UCP2: variants seen among roughly 807,000 people sequenced by gnomAD.
The protein encoded by UCP2 is uncoupling protein 2, also known as dicarboxylate carrier SLC25A8.
In UCP2, 27 loss-of-function variants were observed where a neutral mutation model predicts 31.3. The observed-to-expected ratio is 0.86, with a 90% confidence interval of 0.64 to 1.19. The LOEUF (loss-of-function observed/expected upper bound fraction) is 1.19, where lower values mean the gene tolerates loss of function less well. Ranked by LOEUF, UCP2 falls within the 50% of genes most tolerant of loss-of-function variation. The pLI, the probability that UCP2 is intolerant of heterozygous loss-of-function variation, is 0.00. For missense variants in UCP2, 377 were observed against 413.5 expected, an observed-to-expected ratio of 0.91 and a Z score of 0.76; for synonymous variants, 142 against 157.4, an observed-to-expected ratio of 0.90 and a Z score of 0.73.
chr11:73,979,268 T>G (rs1331560219), intron 2 of UCP2, among the ~76,000 whole-genome samples: 1 of 152,218 alleles, frequency 6.6e-6, no homozygotes, highest in Non-Finnish European at 1.5e-5. Flanking sequence ...CTTCTTGGGC[T>G]GGGTGTGGTG....
intron 2 of UCP2, chr11:73,980,530 T>C (rs1250292386): frequency 6.6e-6 from 1 of 152,260 alleles, no homozygotes; most frequent in African/African-American, 2.4e-5. Context: ...GATTCCCTGC[T>C]CTGACACCCC....
Position 73,980,799 on chromosome 11 carries a change from G to C in UCP2, c.-100+677C>G, listed in dbSNP as rs45574434. On this transcript the variant is annotated intron_variant, in intron 2 of 7. Transcript: ENST00000663595. ...AAAGTTCTCACAGGCTGATTAAACA[G>C]TACTGAGAAGGCTCAGGCAAATGGT... 133 of 152,378 alleles carry C rather than the reference G, an allele frequency of 8.7e-4. 2 individuals are homozygous for C. Among genetic ancestry groups the C allele is most frequent in the Admixed American group, 2.7e-3 (41 of 15,302 alleles). The allele number at this position is 152,378 out of a possible 1,614,324, so 9.4% of individuals were successfully genotyped here.
chr11:73,977,239 CA>C (rs1300754943), intron 4 of UCP2, among the ~76,000 whole-genome samples: 1 of 152,218 alleles, frequency 6.6e-6, no homozygotes, highest in Non-Finnish European at 1.5e-5. Flanking sequence ...GGGCTAAGAC[CA>C]AAATGAAACT....
chr11:73,979,843 A>G (rs1319286295), intron 2 of UCP2: 1 of 151,982 alleles, frequency 6.6e-6, no homozygotes, highest in Non-Finnish European at 1.5e-5. Context: ...AAACCCCAAA[A>G]AACCTAAGGA....
chr11:73,978,672 A>G (rs1436959259), intron 2 of UCP2, 195 bp from the exon 3 acceptor site: 5 of 415,998 alleles, frequency 1.2e-5, no homozygotes, highest in Non-Finnish European at 2.3e-5. Flanking sequence ...CAAGCAGTCA[A>G]TACTTCATGA....
At chr11:73,975,882 G>A (rs1378468212) in intron 6 of UCP2, among the ~76,000 whole-genome samples, 2 of 152,082 alleles carry the variant, frequency 1.3e-5, no homozygotes, top group Non-Finnish European at 2.9e-5. Flanking sequence ...TGGGTAACAT[G>A]GCAAAAACCC....
chr11:73,975,764 T>G, intron 6 of UCP2, 93 bp from the exon 7 acceptor site: 2 of 1,495,980 alleles, frequency 1.3e-6, no homozygotes, highest in Non-Finnish European at 1.8e-6. Context: ...TTTTCATGAT[T>G]TTAAAGAGAC....
chr11:73,978,885 G>A (rs1951405909), intron 2 of UCP2: 1 of 254,624 alleles, frequency 3.9e-6, no homozygotes, highest in African/African-American at 2.2e-5. Flanking sequence ...AACAGGCACA[G>A]ACCCATAGGC....
In UCP2 at chr11:73,978,398, G is replaced by A. The variant is rs752002790; in HGVS notation, c.-20C>T. 14 of 1,614,080 alleles carry A rather than the reference G, an allele frequency of 8.7e-6. No individual in the cohort carries two copies. Among genetic ancestry groups the A allele is most frequent in the African/African-American group, 1.3e-5 (1 of 75,026 alleles). ...AACCATGATGCTGATTTCCTGCTAC[G>A]TCCCAGGAGATGGAGAAAAACTGGA... On this transcript the variant is annotated 5_prime_UTR_variant, in exon 3 of 8. The change creates a new upstream start codon in the 5' untranslated region. Transcript: ENST00000663595.
Position 73,978,547 on chromosome 11 carries a change from C to T in UCP2, c.-99-70G>A, listed in dbSNP as rs1000671612. 3.2e-6 allele frequency: 3 copies of T among 950,812 alleles called. No individual in the cohort carries two copies. In the South Asian group the frequency reaches 4.5e-5, roughly 14 times the overall value. The allele number at this position is 950,812 out of a possible 1,614,324, so 58.9% of individuals were successfully genotyped here. ...GCCCTCCCTGCTCACCATCCCCAAACTCACCTTCCCTAATAGAACCAAGTC... is the reference window on the plus strand; with the variant it reads ...GCCCTCCCTGCTCACCATCCCCAAATTCACCTTCCCTAATAGAACCAAGTC... On this transcript the variant is annotated intron_variant, in intron 2 of 7. Coordinates refer to ENST00000663595, the MANE Select transcript of UCP2 (RefSeq NM_003355.3).
intron 7 of UCP2, 33 bp downstream of exon 7, chr11:73,975,458 G>T: frequency 6.3e-7 from 1 of 1,592,716 alleles, no homozygotes; most frequent in Non-Finnish European, 8.6e-7. Flanking sequence ...TAGCCAAGAG[G>T]CCTGAACTGG....
Position 73,976,932 on chromosome 11 carries a change from C to G in UCP2, c.423G>C (p.Lys141Asn), listed in dbSNP as rs755289416. 6.2e-7 allele frequency: 1 copy of G among 1,613,048 alleles called. No homozygotes were observed. The highest frequency in any genetic ancestry group is 1.1e-5 in the South Asian group (1 of 91,032). Residue 141 changes from lysine (K) to asparagine (N), a missense_variant, in exon 5 of 8, where the codon AAG (lysine) becomes AAC (asparagine). Physicochemically the swap from Lys to Asn is moderately conservative, Grantham distance 94 (BLOSUM62 0). Coordinates refer to ENST00000663595, the MANE Select transcript of UCP2 (RefSeq NM_003355.3). ...CCCGGGCCTGAGCTTGGAATCGGAC[C>G]TTTACCACATCCGTGGGCTGGGCCA... ...VAVAQPTDVV[K>N]VRFQAQARAG...
Position 73,978,423 on chromosome 11 carries a change from A to T in UCP2, c.-45T>A. On this transcript the variant is annotated 5_prime_UTR_variant, in exon 3 of 8. Transcript: ENST00000663595. ...GTCCCAGGAGATGGAGAAAAACTGG[A>T]GACAGGGGCACCTTTAATCAGCAAC... 2 of 1,613,304 alleles carry T rather than the reference A, an allele frequency of 1.2e-6. No individual in the cohort carries two copies. Among genetic ancestry groups the T allele is most frequent in the South Asian group, 2.2e-5 (2 of 90,950 alleles).
rs779124511 is a variant in UCP2, at chr11:73,978,306, A to G, written c.73T>C (p.Cys25Arg). 51 of 1,614,098 alleles carry G rather than the reference A, an allele frequency of 3.2e-5. No homozygotes were observed. Among genetic ancestry groups the G allele is most frequent in the Non-Finnish European group, 3.7e-5 (44 of 1,180,046 alleles). The change falls in exon 3 of 8, where the codon TGC becomes CGC. Residue 25 changes from cysteine (C) to arginine (R), a missense_variant. Cys to Arg is a radical substitution (Grantham distance 180, BLOSUM62 -3). Coordinates refer to ENST00000663595, the MANE Select transcript of UCP2 (RefSeq NM_003355.3). ...GGAAAGGTGATGAGATCTGCGATGC[A>G]GGCAGCTGTGCCAGCCCCAAGAAAC... ...VKFLGAGTAA[C>R]IADLITFPLD...
chr11:73,978,045 G>A lies in UCP2; in HGVS notation c.178C>T (p.Arg60Cys), dbSNP rs750036008. The A allele has an allele frequency of 3.7e-6, 6 of 1,614,054 alleles. No homozygotes were observed. Among genetic ancestry groups the A allele is most frequent in the African/African-American group, 2.7e-5 (2 of 74,928 alleles). The change falls in exon 4 of 8, where the codon CGC (arginine) becomes TGC (cysteine). Residue 60 changes from arginine to cysteine, a missense_variant. Physicochemically the swap from Arg to Cys is radical, Grantham distance 180. Transcript: ENST00000663595. ...GTCAGAATGGTGCCCATCACACCGC[G>A]GTACTGGGCGCTGGCTGTAGCGCGC... ...PVRATASAQY[R>C]GVMGTILTMV... is the part of the protein sequence containing the mutation.
intron 1 of UCP2, among the ~76,000 whole-genome samples, chr11:73,982,026 G>A (rs903171631): frequency 6.6e-6 from 1 of 152,130 alleles, no homozygotes; most frequent in Non-Finnish European, 1.5e-5. Flanking sequence ...GCCCTGCAGA[G>A]GCCAGATTGA....
Position 73,975,111 on chromosome 11 carries a change from A to T in UCP2, c.826T>A (p.Ser276Thr), listed in dbSNP as rs1285999907. Residue 276 changes from serine to threonine, a missense_variant, in exon 8 of 8, where the codon TCC (serine) becomes ACC (threonine). Ser to Thr is a moderately conservative substitution (Grantham distance 58). Transcript: ENST00000663595. ...TTCCAGGAACCCAAGCGGAGAAAGGAGGGCATGAACCTAGAGGAGAAAAAT... is the reference window on the plus strand; with the variant it reads ...TTCCAGGAACCCAAGCGGAGAAAGGTGGGCATGAACCTAGAGGAGAAAAAT... ...PRAFYKGFMP[S>T]FLRLGSWNVV... The T allele has an allele frequency of 2.5e-6, 4 of 1,612,704 alleles. No individual in the cohort carries two copies. The highest frequency in any genetic ancestry group is 3.4e-6 in the Non-Finnish European group (4 of 1,179,368).
At chr11:73,976,483 C>G (rs1951347028) in intron 6 of UCP2, among the ~76,000 whole-genome samples, 158 bp downstream of exon 6, 1 of 152,186 alleles carries the variant, frequency 6.6e-6, no homozygotes, top group African/African-American at 2.4e-5. Flanking sequence ...GAGCTTCATC[C>G]CAATTGGCTT....
At chr11:73,979,931 C>T (rs1951425133) in intron 2 of UCP2, 1 of 152,126 alleles carries the variant, frequency 6.6e-6, no homozygotes, top group Non-Finnish European at 1.5e-5. Context: ...CTCCTCCTGG[C>T]CTACCATGTG....
Sources: gnomAD v4.1 joint callset for allele counts (sites outside exome capture counted in the v4.1 genomes callset) on GRCh38, gnomAD v4.1.1 for gene constraint, MANE v1.5 for transcripts, NCBI Gene and HGNC (gene_info 2026-07-23, HGNC 2026-07-21) for gene names.